Variants in RABEP1 observed in about 807,000 individuals in gnomAD.
RABEP1 encodes the protein rabaptin, RAB GTPase binding effector protein 1.
RABEP1 carries 51 observed loss-of-function variants against 123.4 expected under a neutral mutation model. That is an observed-to-expected ratio of 0.41 (90% CI 0.33 to 0.52). RABEP1 has a LOEUF of 0.52. Ranked by LOEUF, RABEP1 falls within the 20% of genes least tolerant of loss-of-function variation. The pLI, the probability that RABEP1 is intolerant of heterozygous loss-of-function variation, is 0.16. For synonymous variants in RABEP1, 347 were observed against 355.2 expected (o/e 0.98, Z 0.26); for missense variants, 888 against 996.3 (o/e 0.89, Z 1.46).
intron 8 of RABEP1, among the ~76,000 whole-genome samples, chr17:5,354,957 T>G (rs1483321041): frequency 6.6e-6 from 1 of 152,212 alleles, no homozygotes; most frequent in Non-Finnish European, 1.5e-5. Context: ...GTAAAATGTT[T>G]CAGGTACTAG....
chr17:5,299,385 T>G (rs889459870), intron 1 of RABEP1, among the ~76,000 whole-genome samples: 3 of 151,946 alleles, frequency 2.0e-5, no homozygotes, highest in Non-Finnish European at 4.4e-5. Flanking sequence ...GCAGGTTTTT[T>G]TTTTTTTTTT....
At chr17:5,381,609 A>T (rs1911462257) in intron 17 of RABEP1, 104 bp downstream of exon 17, 1 of 1,471,632 alleles carries the variant, frequency 6.8e-7, no homozygotes, top group African/African-American at 1.4e-5. Context: ...AGGTTTAGAG[A>T]CTGGCTGCTC....
chr17:5,354,300 C>T, intron 7 of RABEP1, 59 bp from the exon 8 acceptor site: 1 of 1,457,798 alleles, frequency 6.9e-7, no homozygotes, highest in Non-Finnish European at 9.3e-7. Context: ...GGTTAAAGAA[C>T]TGTGTCACTT....
At chr17:5,322,882 C>T (rs942336850) in intron 2 of RABEP1, among the ~76,000 whole-genome samples, 1 of 152,128 alleles carries the variant, frequency 6.6e-6, no homozygotes, top group Non-Finnish European at 1.5e-5. Context: ...TGAGACCAGC[C>T]TGGCCAACAT....
At chr17:5,286,018 T>G (rs1399450962) in intron 1 of RABEP1, among the ~76,000 whole-genome samples, 1 of 152,234 alleles carries the variant, frequency 6.6e-6, no homozygotes, top group Non-Finnish European at 1.5e-5. Context: ...TCTGTAAGAC[T>G]AGTGAATTAA....
intron 3 of RABEP1, among the ~76,000 whole-genome samples, chr17:5,332,865 C>G (rs767341423): frequency 6.6e-6 from 1 of 152,056 alleles, no homozygotes; most frequent in Non-Finnish European, 1.5e-5. Flanking sequence ...CTGCCTCGGC[C>G]TCCCAAAGTC....
In RABEP1 at chr17:5,385,449, CA is replaced by C. The variant is rs76828367; in HGVS notation, c.*2227del. The C allele has an allele frequency of 0.43, 97,796 of 230,048 alleles. 21,550 individuals carry two copies. The highest frequency in any genetic ancestry group is 0.67 in the East Asian group (10,728 of 16,104). The allele number at this position is 230,048 out of a possible 1,614,324, so 14.3% of individuals were successfully genotyped here. Reference sequence around the variant, plus strand: ...ATGTGGCTTTTAATTGACAGTCACTCAGCCATTTCTAAGCAGATATAGTAGT... The same window carrying C: ...ATGTGGCTTTTAATTGACAGTCACTCGCCATTTCTAAGCAGATATAGTAGT... On this transcript the variant is annotated 3_prime_UTR_variant, in exon 18 of 18. Transcript: ENST00000537505.
chr17:5,345,572 A>T (rs1907998362), intron 5 of RABEP1, among the ~76,000 whole-genome samples: 1 of 152,256 alleles, frequency 6.6e-6, no homozygotes, highest in South Asian at 2.1e-4. Flanking sequence ...TAAATCTGCC[A>T]TACGGACTCT....
At chr17:5,330,838 C>T (rs553924652) in intron 2 of RABEP1, among the ~76,000 whole-genome samples, 25 of 151,998 alleles carry the variant, frequency 1.6e-4, no homozygotes, top group South Asian at 8.3e-4. Flanking sequence ...GCCTGGGCAG[C>T]GTAGTGAAAC....
intron 10 of RABEP1, among the ~76,000 whole-genome samples, 176 bp downstream of exon 10, chr17:5,363,192 T>TA (rs935791936): frequency 6.6e-5 from 10 of 151,492 alleles, no homozygotes; most frequent in African/African-American, 2.4e-4. Flanking sequence ...GGGAGCTCAC[T>TA]AGGACTCTGC....
At chr17:5,330,052 T>C (rs1258222010) in intron 2 of RABEP1, among the ~76,000 whole-genome samples, 1 of 152,172 alleles carries the variant, frequency 6.6e-6, no homozygotes. Flanking sequence ...AACTTGAGCC[T>C]TGATAAAATT....
At chr17:5,283,290 A>G (rs958676397) in intron 1 of RABEP1, among the ~76,000 whole-genome samples, 1 of 151,704 alleles carries the variant, frequency 6.6e-6, no homozygotes, top group Non-Finnish European at 1.5e-5. Flanking sequence ...ACTTGAAGAT[A>G]TTTGCTTGTG....
intron 8 of RABEP1, among the ~76,000 whole-genome samples, chr17:5,355,895 C>T (rs1908971954): frequency 6.6e-6 from 1 of 152,146 alleles, no homozygotes; most frequent in Non-Finnish European, 1.5e-5. Context: ...AATATTTAGA[C>T]TCCCAAGAGA....
intron 10 of RABEP1, among the ~76,000 whole-genome samples, chr17:5,363,476 C>T (rs1909743340): frequency 6.6e-6 from 1 of 152,074 alleles, no homozygotes; most frequent in Non-Finnish European, 1.5e-5. Context: ...CCTCAGCCTC[C>T]CAAAGTGTTG....
intron 10 of RABEP1, among the ~76,000 whole-genome samples, chr17:5,363,277 AG>A (rs564804330): frequency 9.0e-4 from 134 of 149,664 alleles, no homozygotes; most frequent in Admixed American, 2.6e-3. Flanking sequence ...GCTGGAGTGC[AG>A]GGGGGATCTC....
At chr17:5,311,673 C>A in intron 2 of RABEP1, among the ~76,000 whole-genome samples, 1 of 125,972 alleles carries the variant, frequency 7.9e-6, no homozygotes, top group Non-Finnish European at 1.6e-5. Flanking sequence ...TCCATCCAGC[C>A]TGGGTGACAG....
At chr17:5,284,173 CT>C (rs2074955280) in intron 1 of RABEP1, 1 of 152,158 alleles carries the variant, frequency 6.6e-6, no homozygotes, top group East Asian at 1.9e-4. Flanking sequence ...TTCCCTGCCT[CT>C]TTGAAGATAT....
chr17:5,329,608 T>C (rs1906323915), intron 2 of RABEP1, among the ~76,000 whole-genome samples: 1 of 152,168 alleles, frequency 6.6e-6, no homozygotes, highest in Non-Finnish European at 1.5e-5. Context: ...TGTTGTAGTA[T>C]ACCCTCAACT....
chr17:5,308,824 T>A lies in RABEP1; in HGVS notation c.163+2T>A. On this transcript the variant is annotated splice_donor_variant, in intron 2 of 17. Transcript: ENST00000537505. LOFTEE classifies it high-confidence loss of function. ...AGGAGTTATATTTGGCTAAAGAGGG[T>A]AAGTTCATAAGTCTCGCACCAACTT... 6.2e-7 allele frequency: 1 copy of A among 1,602,766 alleles called. No homozygotes were observed. The highest frequency in any genetic ancestry group is 8.5e-7 in the Non-Finnish European group (1 of 1,173,736).
Sources: gnomAD v4.1 joint callset for allele counts (sites outside exome capture counted in the v4.1 genomes callset) on GRCh38, gnomAD v4.1.1 for gene constraint, MANE v1.5 for transcripts, NCBI Gene and HGNC (gene_info 2026-07-23, HGNC 2026-07-21) for gene names.